The following KCTD10 variants were observed in gnomAD, a reference collection of about 807,000 sequenced individuals.
The protein encoded by KCTD10 is potassium channel tetramerization domain containing 10, also known as BTB/POZ domain-containing adapter for CUL3-mediated RhoA degradation protein 3.
Under a neutral mutation model 34.6 loss-of-function variants are expected in KCTD10, and 13 were observed. The ratio of observed to expected loss-of-function variants is 0.38; its 90% CI spans 0.24 to 0.60. The LOEUF (loss-of-function observed/expected upper bound fraction) is 0.60, where lower values mean the gene tolerates loss of function less well. Ranked by LOEUF, KCTD10 falls within the 20% of genes least tolerant of loss-of-function variation. The pLI is 0.66. For missense variants in KCTD10, 256 were observed against 420.3 expected (o/e 0.61, Z 3.42); for synonymous variants, 156 against 168.8 (o/e 0.92, Z 0.59).
intron 1 of KCTD10, among the ~76,000 whole-genome samples, chr12:109,472,015 G>T (rs538216423): frequency 2.0e-5 from 3 of 152,146 alleles, no homozygotes; most frequent in Non-Finnish European, 4.4e-5. Context: ...CTGGGTGAGC[G>T]AGTGGTGAGT....
chr12:109,476,139 G>A (rs142137568), intron 1 of KCTD10, among the ~76,000 whole-genome samples: 1 of 152,318 alleles, frequency 6.6e-6, no homozygotes, highest in African/African-American at 2.4e-5. Flanking sequence ...CCCCAAGAAT[G>A]TCTGATTCAG....
At position 109,450,126 on chromosome 12, in the gene KCTD10, C is replaced by G; in HGVS notation, c.*1469G>C. 2 of 397,482 alleles carry G rather than the reference C, an allele frequency of 5.0e-6. No homozygotes were observed. The highest frequency in any genetic ancestry group is 8.9e-6 in the Non-Finnish European group (2 of 225,798). The allele number at this position is 397,482 out of a possible 1,614,324, so 24.6% of individuals were successfully genotyped here. On this transcript the variant is annotated 3_prime_UTR_variant, in exon 7 of 7. Coordinates refer to ENST00000228495, the MANE Select transcript of KCTD10 (RefSeq NM_031954.5). ...TGGAATACATGTGTCAAAGGCTGCC[C>G]ATGTTAATACCTTTGGTATAAAACG...
intron 6 of KCTD10, among the ~76,000 whole-genome samples, chr12:109,453,615 G>A (rs147959740): frequency 9.2e-5 from 14 of 152,316 alleles, no homozygotes; most frequent in African/African-American, 3.1e-4. Flanking sequence ...GGTCTCAGCA[G>A]GATTGGGAGA....
chr12:109,471,714 GA>G (rs1873897200), intron 1 of KCTD10, among the ~76,000 whole-genome samples: 1 of 152,168 alleles, frequency 6.6e-6, no homozygotes. Flanking sequence ...CGAAGGGGGG[GA>G]GAAAAGGCTT....
intron 2 of KCTD10, among the ~76,000 whole-genome samples, chr12:109,466,939 C>T (rs1592844771): frequency 6.6e-6 from 1 of 152,360 alleles, no homozygotes; most frequent in Non-Finnish European, 1.5e-5. Flanking sequence ...GCATTTGAGG[C>T]AACATGCAGG....
intron 6 of KCTD10, among the ~76,000 whole-genome samples, chr12:109,454,012 G>A (rs963724140): frequency 6.6e-6 from 1 of 152,230 alleles, no homozygotes; most frequent in Admixed American, 6.5e-5. Flanking sequence ...AGAGCTTGCA[G>A]CCTGAGCCCA....
At chr12:109,474,650 G>A (rs575098937) in intron 1 of KCTD10, among the ~76,000 whole-genome samples, 5 of 151,996 alleles carry the variant, frequency 3.3e-5, no homozygotes, top group East Asian at 1.9e-4. Flanking sequence ...TTAACTCCAC[G>A]GTCTTGGCCC....
rs80095910 is a variant in KCTD10 at position 109,469,503 on chromosome 12, G to A, written c.217+12C>T. On this transcript the variant is annotated intron_variant, in intron 2 of 6. Coordinates refer to ENST00000228495, the MANE Select transcript of KCTD10 (RefSeq NM_031954.5). ...GCATGGCCAGAGGCAGGCACATGGT[G>A]GGTGAGCTTACCTTCACTGTCGGTG... The A allele has an allele frequency of 6.2e-7, 1 of 1,612,952 alleles. No homozygotes were observed. The highest frequency in any genetic ancestry group is 1.1e-5 in the South Asian group (1 of 91,008).
rs147977862 is a variant in KCTD10, at chr12:109,460,785, A to C, written c.238T>G (p.Cys80Gly). 2.8e-5 allele frequency: 45 copies of C among 1,614,148 alleles called. No individual in the cohort carries two copies. The highest frequency in any genetic ancestry group is 3.6e-5 in the Non-Finnish European group (43 of 1,179,992). ...DSEGWILIDR[C>G]GKHFGTILNY... is the part of the protein sequence containing the mutation. ...AGTATCGTACCAAAGTGCTTCCCAC[A>C]GCGGTCAATGAGGATCCAGCCTGCA... The change falls in exon 3 of 7, where the codon TGT (cysteine) becomes GGT (glycine). Residue 80 changes from cysteine to glycine, a missense_variant. Coordinates refer to ENST00000228495, the MANE Select transcript of KCTD10 (RefSeq NM_031954.5). This position sits in a 1 kb window ranked among gnomAD's most constrained non-coding sequence, Gnocchi z 4.5.
chr12:109,451,678 C>T lies in KCTD10; in HGVS notation c.859G>A (p.Glu287Lys), dbSNP rs982623580. ...TCGATCCGCTCCCGCTCCTCGTCCT[C>T]GTCCAGGTGGTGGGAGCGCCCCGCC... is the stretch of plus-strand genomic sequence containing the variant. Reference protein sequence around the residue: ...GAAGRSHHLDEDEERERIERV... With the variant: ...GAAGRSHHLDKDEERERIERV... Residue 287 changes from glutamate to lysine, a missense_variant, in exon 7 of 7, where the codon GAG (glutamate) becomes AAG (lysine). By Grantham distance (56) the Glu-to-Lys change is moderately conservative. Transcript: ENST00000228495. The surrounding 1 kb of genome is among the most constrained non-coding windows in gnomAD (Gnocchi z 5.0). 1.9e-6 allele frequency: 3 copies of T among 1,613,836 alleles called. No homozygotes were observed. The highest frequency in any genetic ancestry group is 1.7e-6 in the Non-Finnish European group (2 of 1,179,934).
At chr12:109,467,797 T>C (rs900600008) in intron 2 of KCTD10, among the ~76,000 whole-genome samples, 2 of 151,680 alleles carry the variant, frequency 1.3e-5, no homozygotes, top group Admixed American at 1.3e-4. Context: ...AAACATCTCA[T>C]AGCAGGGATT....
intron 6 of KCTD10, chr12:109,455,387 A>G (rs1253995726): frequency 6.6e-6 from 1 of 151,338 alleles, no homozygotes; most frequent in Non-Finnish European, 1.5e-5. Flanking sequence ...ATTTTCAATA[A>G]TAAGTTAAAA....
intron 2 of KCTD10, chr12:109,464,856 T>G (rs572489571): frequency 2.2e-6 from 1 of 455,920 alleles, no homozygotes; most frequent in African/African-American, 2.0e-5. Flanking sequence ...GGAGTAGAAG[T>G]TGCCATAACC....
At chr12:109,456,032 C>G in intron 6 of KCTD10, 86 bp downstream of exon 6, 2 of 1,255,004 alleles carry the variant, frequency 1.6e-6, no homozygotes, top group Non-Finnish European at 2.3e-6. Flanking sequence ...AAAGCATTTC[C>G]CTCTGTATTG....
chr12:109,477,293 C>T lies in KCTD10; in HGVS notation c.-31G>A, dbSNP rs765172123. ...GTCGGAGGACGCAGGAGTCTCCAAA[C>T]CCGGACTGAGAGAGGCAGGAAACAC... On this transcript the variant is annotated 5_prime_UTR_variant, in exon 1 of 7. Coordinates refer to ENST00000228495, the MANE Select transcript of KCTD10 (RefSeq NM_031954.5). 3 of 1,613,748 alleles carry T rather than the reference C, an allele frequency of 1.9e-6. No individual in the cohort carries two copies. Among genetic ancestry groups the T allele is most frequent in the South Asian group, 1.1e-5 (1 of 90,958 alleles).
chr12:109,477,297 G>C lies in KCTD10; in HGVS notation c.-35C>G. ...GAGGACGCAGGAGTCTCCAAACCCG[G>C]ACTGAGAGAGGCAGGAAACACCCAG... is the stretch of plus-strand genomic sequence containing the variant. On this transcript the variant is annotated 5_prime_UTR_variant, in exon 1 of 7. Transcript: ENST00000228495. 3 of 1,613,574 alleles carry C rather than the reference G, an allele frequency of 1.9e-6. No individual in the cohort carries two copies. Among genetic ancestry groups the C allele is most frequent in the Non-Finnish European group, 2.5e-6 (3 of 1,179,790 alleles).
rs752173846 is a variant in KCTD10, at chr12:109,477,217, C to T, written c.3+43G>A. ...ATACTCTGCTGCTGCCCAGCTCCCT[C>T]GGCCGCCCTCAACCCCTAGTCCATG... On this transcript the variant is annotated intron_variant, in intron 1 of 6. Transcript: ENST00000228495. The T allele has an allele frequency of 5.6e-6, 9 of 1,611,900 alleles. No homozygotes were observed. In the Middle Eastern group the frequency reaches 5.0e-4, roughly 89 times the overall value.
chr12:109,469,258 C>A, intron 2 of KCTD10: 2 of 497,658 alleles, frequency 4.0e-6, no homozygotes, highest in East Asian at 3.7e-5. Flanking sequence ...AGGGAAGATA[C>A]CTCTCTCTCC....
intron 1 of KCTD10, among the ~76,000 whole-genome samples, 159 bp downstream of exon 1, chr12:109,477,101 C>G (rs546020079): frequency 1.3e-5 from 2 of 151,862 alleles, no homozygotes; most frequent in South Asian, 2.1e-4. Context: ...GCCCTTCCCC[C>G]ACCCCGGGCC....
Sources: allele counts gnomAD v4.1 joint callset (sites outside exome capture counted in the v4.1 genomes callset), GRCh38; gene constraint gnomAD v4.1.1; non-coding constraint Gnocchi (gnomAD v3.1); transcripts MANE v1.5; gene names NCBI Gene and HGNC (gene_info 2026-07-23, HGNC 2026-07-21).